The following TNKS variants were observed in gnomAD, a reference collection of about 807,000 sequenced individuals.
TNKS encodes the protein poly [ADP-ribose] polymerase tankyrase-1.
Under a neutral mutation model 135.8 loss-of-function variants are expected in TNKS, and 72 were observed. The observed-to-expected ratio is 0.53, with a 90% CI of 0.44 to 0.64. The LOEUF (loss-of-function observed/expected upper bound fraction) is 0.64. Ranked by LOEUF, TNKS falls within the 30% of genes least tolerant of loss-of-function variation. The pLI is 0.00. For synonymous variants in TNKS, 849 were observed against 649.3 expected, an observed-to-expected ratio of 1.31 and a Z score of -4.68; for missense variants, 1,769 against 1,674.0, an observed-to-expected ratio of 1.06 and a Z score of -0.99.
intron 1 of TNKS, among the ~76,000 whole-genome samples, chr8:9,561,812 C>T (rs1797339612): frequency 6.6e-6 from 1 of 152,034 alleles, no homozygotes; most frequent in East Asian, 1.9e-4. Context: ...TTTTACATTC[C>T]CATCAACGAT....
chr8:9,740,846 T>TTTTTTTTTTA (rs1805914325), intron 17 of TNKS: 1 of 148,320 alleles, frequency 6.7e-6, no homozygotes, highest in Non-Finnish European at 1.5e-5. Flanking sequence ...TTTTTTTTTT[T>TTTTTTTTTTA]GAGAACAGGT....
At chr8:9,579,585 CAGCCTCCCA>C (rs1448166024) in intron 1 of TNKS, among the ~76,000 whole-genome samples, 1 of 152,182 alleles carries the variant, frequency 6.6e-6, no homozygotes, top group Non-Finnish European at 1.5e-5. Context: ...TCTCGTGCCT[CAGCCTCCCA>C]AGTAGGTGGG....
chr8:9,734,165 A>T (rs1252637545), intron 15 of TNKS, among the ~76,000 whole-genome samples: 1 of 152,172 alleles, frequency 6.6e-6, no homozygotes, highest in Non-Finnish European at 1.5e-5. Flanking sequence ...CATTTTTATT[A>T]TCACTGGTTG....
At chr8:9,767,329 C>T (rs1430374656) in intron 25 of TNKS, among the ~76,000 whole-genome samples, 1 of 152,094 alleles carries the variant, frequency 6.6e-6, no homozygotes, top group African/African-American at 2.4e-5. Flanking sequence ...TTTCCCTTTC[C>T]TTGGCAATGA....
At chr8:9,613,255 C>T (rs1031960891) in intron 2 of TNKS, among the ~76,000 whole-genome samples, 1 of 152,134 alleles carries the variant, frequency 6.6e-6, no homozygotes, top group Admixed American at 6.5e-5. Flanking sequence ...TGGAATTAGT[C>T]GTCACTGGTA....
At chr8:9,558,629 C>G (rs985523212) in intron 1 of TNKS, 1 of 152,154 alleles carries the variant, frequency 6.6e-6, no homozygotes, top group Non-Finnish European at 1.5e-5. Context: ...TCTCAAATCA[C>G]GTGTCTTCTA....
intron 1 of TNKS, among the ~76,000 whole-genome samples, chr8:9,577,385 T>C (rs1456254289): frequency 1.3e-5 from 2 of 152,194 alleles, no homozygotes; most frequent in Admixed American, 6.5e-5. Flanking sequence ...TATAAAGAAC[T>C]ACCTGAGCCT....
At chr8:9,710,430 A>AC in intron 11 of TNKS, 1 of 593,604 alleles carries the variant, frequency 1.7e-6, no homozygotes, top group South Asian at 2.2e-5. Flanking sequence ...CTTTAATGTC[A>AC]CCCTTCTGTA....
At chr8:9,772,817 G>T (rs979647854) in intron 26 of TNKS, among the ~76,000 whole-genome samples, 2 of 78,878 alleles carry the variant, frequency 2.5e-5, no homozygotes, top group African/African-American at 5.6e-5. Context: ...GTTTGTGTGT[G>T]TGTGTGTGTG....
rs1354480593 is a variant in TNKS at position 9,696,115 on chromosome 8, G to C, written c.1108-8548G>C. 3.9e-5 allele frequency among the ~76,000 whole-genome samples: 6 copies of C among 152,144 alleles called. No individual in the cohort carries two copies. The East Asian group carries it at 9.7e-4, about 24-fold the overall frequency. Reference sequence around the variant, plus strand: ...GAGGACTAGGTTGGAGATATAACTGGGGAGTTGTCAGTTCATGGGTGCTAT... The same window carrying C: ...GAGGACTAGGTTGGAGATATAACTGCGGAGTTGTCAGTTCATGGGTGCTAT... On this transcript the variant is annotated intron_variant, in intron 5 of 26. Coordinates refer to ENST00000310430, the MANE Select transcript of TNKS (RefSeq NM_003747.3).
rs1349047824 is a variant in TNKS, at chr8:9,620,924, C to A, written c.994+5247C>A. 2.0e-5 allele frequency among the ~76,000 whole-genome samples: 3 copies of A among 152,054 alleles called. No individual in the cohort carries two copies. In the East Asian group the frequency reaches 5.8e-4, roughly 29 times the overall value. On this transcript the variant is annotated intron_variant, in intron 3 of 26. Coordinates refer to ENST00000310430, the MANE Select transcript of TNKS (RefSeq NM_003747.3). ...TGTCTGTCTTGTTTACTTCTTTATC[C>A]CCAGGACTCAAAAGAATACATAAAA...
chr8:9,563,917 G>T (rs547775786), intron 1 of TNKS, among the ~76,000 whole-genome samples: 1 of 152,162 alleles, frequency 6.6e-6, no homozygotes, highest in Non-Finnish European at 1.5e-5. Flanking sequence ...ATAATTTCAA[G>T]GATAAAAATA....
chr8:9,735,118 C>T (rs201256644), intron 16 of TNKS, 34 bp downstream of exon 16: 1 of 1,592,992 alleles, frequency 6.3e-7, no homozygotes, highest in East Asian at 2.2e-5. Context: ...GCCTCCTTTT[C>T]CTTTCTCGGA....
intron 17 of TNKS, among the ~76,000 whole-genome samples, chr8:9,739,049 C>G (rs992264557): frequency 6.6e-6 from 1 of 150,952 alleles, no homozygotes; most frequent in Non-Finnish European, 1.5e-5. Context: ...ACAAAATTGA[C>G]AAATGGGATC....
chr8:9,667,402 C>G (rs1030258526), intron 3 of TNKS, among the ~76,000 whole-genome samples: 5 of 152,198 alleles, frequency 3.3e-5, no homozygotes. Flanking sequence ...ACAGCCCTTG[C>G]TCTTATCGGG....
At chr8:9,626,295 G>C (rs1800051069) in intron 3 of TNKS, among the ~76,000 whole-genome samples, 1 of 152,050 alleles carries the variant, frequency 6.6e-6, no homozygotes, top group African/African-American at 2.4e-5. Flanking sequence ...CATTATATTT[G>C]AACTGAATTC....
rs1177643185 is a variant in TNKS, at chr8:9,561,419, A to G, written c.673+4807A>G. 2.0e-5 allele frequency among the ~76,000 whole-genome samples: 3 copies of G among 152,258 alleles called. No homozygotes were observed. In the East Asian group the frequency reaches 5.8e-4, roughly 29 times the overall value. ...CAACCACCATTCTGATGTTTTTTCCACTATAGAATAAGAGTTGCCTGTTTT... is the reference window on the plus strand; with the variant it reads ...CAACCACCATTCTGATGTTTTTTCCGCTATAGAATAAGAGTTGCCTGTTTT... On this transcript the variant is annotated intron_variant, in intron 1 of 26. Coordinates refer to ENST00000310430, the MANE Select transcript of TNKS (RefSeq NM_003747.3).
intron 1 of TNKS, among the ~76,000 whole-genome samples, chr8:9,564,834 C>T (rs1016344974): frequency 7.9e-5 from 12 of 152,252 alleles, no homozygotes; most frequent in African/African-American, 2.9e-4. Context: ...GGTGCAGCCT[C>T]CCCTTACGGG....
intron 26 of TNKS, chr8:9,772,467 TGAAA>T: frequency 2.2e-6 from 1 of 453,276 alleles, no homozygotes; most frequent in Non-Finnish European, 4.4e-6. Context: ...TTTTTAATGT[TGAAA>T]GATTGTATTC....
Sources: gnomAD v4.1 joint callset for allele counts (sites outside exome capture counted in the v4.1 genomes callset) on GRCh38, gnomAD v4.1.1 for gene constraint, MANE v1.5 for transcripts, NCBI Gene and HGNC (gene_info 2026-07-23, HGNC 2026-07-21) for gene names.